SFTPD: variants seen among roughly 807,000 people sequenced by gnomAD.
The protein encoded by SFTPD is pulmonary surfactant-associated protein D.
In SFTPD, 18 loss-of-function variants were observed where a neutral mutation model predicts 34.6. The ratio of observed to expected loss-of-function variants is 0.52; its 90% confidence interval spans 0.36 to 0.77. The LOEUF is 0.77. Among genes scored for constraint, SFTPD ranks in the 30% least tolerant of loss-of-function variants. SFTPD has a pLI of 0.00. For missense variants in SFTPD, 433 were observed against 468.9 expected, an observed-to-expected ratio of 0.92 and a Z score of 0.71; for synonymous variants, 155 against 180.9, an observed-to-expected ratio of 0.86 and a Z score of 1.15.
At chr10:79,939,063 T>TA (rs1842586421) in intron 7 of SFTPD, among the ~76,000 whole-genome samples, 1 of 152,126 alleles carries the variant, frequency 6.6e-6, no homozygotes, top group African/African-American at 2.4e-5. Context: ...TCCTCATCTC[T>TA]AAAATGAGGG....
chr10:79,941,845 C>A, intron 5 of SFTPD, 109 bp downstream of exon 5: 2 of 762,752 alleles, frequency 2.6e-6, no homozygotes, highest in Non-Finnish European at 2.3e-6. Context: ...CATGTTCCAG[C>A]GATACCACCT....
intron 1 of SFTPD, chr10:79,982,310 G>A: frequency 1.0e-6 from 1 of 972,948 alleles, no homozygotes; most frequent in Non-Finnish European, 1.3e-6. Context: ...GGTGCCCAGT[G>A]GGCACCAGCC....
intron 1 of SFTPD, among the ~76,000 whole-genome samples, chr10:79,955,864 C>T (rs577765632): frequency 2.6e-5 from 4 of 152,316 alleles, no homozygotes; most frequent in East Asian, 1.9e-4. Context: ...AACATCTCTA[C>T]TGCATCCTGA....
In SFTPD at chr10:79,942,087, C is replaced by A. The variant is rs541424996; in HGVS notation, c.434-17G>T. The A allele has an allele frequency of 1.3e-6, 2 of 1,562,476 alleles. No individual in the cohort carries two copies. The highest frequency in any genetic ancestry group is 1.7e-4 in the Middle Eastern group (1 of 5,924). ...CTACTTCTCCTGAAGAAGGAACACA[C>A]AGGAACAAACACAGCTAAGAGCGCG... On this transcript the variant is annotated splice_polypyrimidine_tract_variant and intron_variant, in intron 4 of 7. Coordinates refer to ENST00000372292, the MANE Select transcript of SFTPD (RefSeq NM_003019.5).
At chr10:79,941,565 G>GT in intron 5 of SFTPD, 51 bp from the exon 6 acceptor site, 1 of 1,432,702 alleles carries the variant, frequency 7.0e-7, no homozygotes, top group Non-Finnish European at 9.5e-7. Flanking sequence ...TATTTTTTTT[G>GT]TTTTTAGCAT....
At chr10:79,952,023 T>C (rs111581455), upstream of SFTPD, among the ~76,000 whole-genome samples, 409 of 152,330 alleles carry the variant, frequency 2.7e-3, 2 homozygotes, top group African/African-American at 9.6e-3. Context: ...TCCCGGAGCT[T>C]GTGACCTTCA....
At chr10:79,956,486 G>T (rs140541898) in intron 1 of SFTPD, among the ~76,000 whole-genome samples, 22 of 152,344 alleles carry the variant, frequency 1.4e-4, no homozygotes, top group African/African-American at 5.1e-4. Context: ...TTAAAAAATG[G>T]CACACCAGGA....
chr10:79,975,269 G>A (rs1164826880), intron 1 of SFTPD, among the ~76,000 whole-genome samples: 1 of 152,124 alleles, frequency 6.6e-6, no homozygotes, highest in African/African-American at 2.4e-5. Context: ...AGAAGGGTAG[G>A]GATGAACCTC....
At position 79,941,839 on chromosome 10, in the gene SFTPD, T is replaced by G. The variant is rs1842615146; in HGVS notation, c.550+115A>C. On this transcript the variant is annotated intron_variant, in intron 5 of 7. Coordinates refer to ENST00000372292, the MANE Select transcript of SFTPD (RefSeq NM_003019.5). ...TTCTTGGATACAGATTCTCTCCATG[T>G]TCCAGCGATACCACCTCTGCCTTTG... 8.0e-6 allele frequency: 6 copies of G among 749,760 alleles called. No homozygotes were observed. In the South Asian group the frequency reaches 9.5e-5, roughly 12 times the overall value. The allele number at this position is 749,760 out of a possible 1,614,324, so 46.4% of individuals were successfully genotyped here. A position where few individuals can be genotyped will look rare whatever the true frequency, so the allele number is the denominator to read the frequency against.
chr10:79,958,652 T>G (rs923825945), intron 1 of SFTPD, among the ~76,000 whole-genome samples: 28 of 152,212 alleles, frequency 1.8e-4, no homozygotes, highest in South Asian at 4.2e-4. Flanking sequence ...AGCAAGTCCT[T>G]AGTGACCTAC....
chr10:79,957,676 G>A (rs1842747991), intron 1 of SFTPD, among the ~76,000 whole-genome samples: 2 of 152,218 alleles, frequency 1.3e-5, no homozygotes, highest in South Asian at 4.1e-4. Context: ...ATGTCTGATT[G>A]GTGTACCTGA....
In SFTPD at chr10:79,944,763, C is replaced by T. The variant is rs140628248; in HGVS notation, c.199+1698G>A. 2.2e-4 allele frequency among the ~76,000 whole-genome samples: 34 copies of T among 152,180 alleles called. 1 individual carries two copies. In the East Asian group the frequency reaches 6.4e-3, roughly 29 times the overall value. Reference sequence around the variant, plus strand: ...AATAAGGAATTGTTCCCCACAAAGGCAGGATCTGGGTCATATTTACCCTCC... The same window carrying T: ...AATAAGGAATTGTTCCCCACAAAGGTAGGATCTGGGTCATATTTACCCTCC... On this transcript the variant is annotated intron_variant, in intron 2 of 7. Coordinates refer to ENST00000372292, the MANE Select transcript of SFTPD (RefSeq NM_003019.5).
At chr10:79,973,749 T>G (rs1429085794) in intron 1 of SFTPD, among the ~76,000 whole-genome samples, 1 of 152,106 alleles carries the variant, frequency 6.6e-6, no homozygotes, top group African/African-American at 2.4e-5. Context: ...CATATATACA[T>G]GTGAGAGCAA....
At chr10:79,959,420 G>A (rs1842759007) in intron 1 of SFTPD, among the ~76,000 whole-genome samples, 3 of 151,224 alleles carry the variant, frequency 2.0e-5, no homozygotes, top group East Asian at 1.9e-4. Context: ...AGAAGAAAAG[G>A]GAGAAGAATC....
intron 7 of SFTPD, among the ~76,000 whole-genome samples, chr10:79,940,358 G>A (rs1842598537): frequency 6.6e-6 from 1 of 152,230 alleles, no homozygotes; most frequent in Admixed American, 6.5e-5. Context: ...GTGGCATTGA[G>A]GTTGGTGGGT....
At chr10:79,946,435 A>T (rs1257694309) in intron 2 of SFTPD, 26 bp downstream of exon 2, 22 of 1,557,700 alleles carry the variant, frequency 1.4e-5, no homozygotes, top group Non-Finnish European at 1.7e-5. Context: ...CCTCCCCAGC[A>T]GGATAAGCCC....
intron 2 of SFTPD, 87 bp downstream of exon 2, chr10:79,946,374 C>G (rs1337448570): frequency 9.9e-7 from 1 of 1,010,622 alleles, no homozygotes; most frequent in Non-Finnish European, 1.5e-6. Flanking sequence ...TCCAGACTTC[C>G]ATAACAAAGT....
chr10:79,955,379 A>G (rs571994719), intron 1 of SFTPD, among the ~76,000 whole-genome samples: 1 of 152,302 alleles, frequency 6.6e-6, no homozygotes, highest in Non-Finnish European at 1.5e-5. Flanking sequence ...ATCTTAAAAT[A>G]TTTACCACCT....
chr10:79,947,991 G>T (rs905287076), intron 1 of SFTPD, among the ~76,000 whole-genome samples: 1 of 152,272 alleles, frequency 6.6e-6, no homozygotes, highest in Non-Finnish European at 1.5e-5. Flanking sequence ...GCCAACTGGG[G>T]TGGTGGCAAG....
Sources: gnomAD v4.1 joint callset for allele counts (sites outside exome capture counted in the v4.1 genomes callset) on GRCh38, gnomAD v4.1.1 for gene constraint, MANE v1.5 for transcripts, NCBI Gene and HGNC (gene_info 2026-07-23, HGNC 2026-07-21) for gene names.